Variants in LIX1 observed in about 807,000 individuals in gnomAD.
The protein encoded by LIX1 is limb and CNS expressed 1, also known as protein limb expression 1 homolog.
Under a neutral mutation model 33.4 loss-of-function variants are expected in LIX1, and 24 were observed. That is an observed-to-expected ratio of 0.72 (90% confidence interval 0.52 to 1.01). The LOEUF (loss-of-function observed/expected upper bound fraction) is 1.01. Ranked by LOEUF, LIX1 falls within the 50% of genes least tolerant of loss-of-function variation. The pLI, the probability that LIX1 is intolerant of heterozygous loss-of-function variation, is 0.00. For synonymous variants in LIX1, 124 were observed against 124.0 expected (o/e 1.00, Z 0.00); for missense variants, 311 against 339.2 (o/e 0.92, Z 0.65).
intron 1 of LIX1, among the ~76,000 whole-genome samples, chr5:97,128,426 G>T (rs1198370565): frequency 1.3e-5 from 2 of 151,954 alleles, no homozygotes; most frequent in Admixed American, 1.3e-4. Context: ...ACTCATGTTG[G>T]CTAGCATGGA....
rs766405862 is a variant in LIX1 at position 97,107,418 on chromosome 5, C to T, written c.329G>A (p.Arg110His). Residue 110 changes from arginine to histidine, a missense_variant, in exon 3 of 6, where the codon CGC becomes CAC. Coordinates refer to ENST00000274382, the MANE Select transcript of LIX1 (RefSeq NM_153234.5). ...CATAATGAATTCCTTGGTGATCCTG[C>T]GAGAGGGCAGCTCATTGAAGAGGGA... The part of the protein sequence containing the change: ...INSLFNELPS[R>H]RITKEFIMES... 20 of 1,612,784 alleles carry T rather than the reference C, an allele frequency of 1.2e-5. No individual in the cohort carries two copies. The highest frequency in any genetic ancestry group is 6.7e-5 in the East Asian group (3 of 44,898).
At chr5:97,135,073 C>G (rs1400467104) in intron 1 of LIX1, among the ~76,000 whole-genome samples, 1 of 152,088 alleles carries the variant, frequency 6.6e-6, no homozygotes, top group Non-Finnish European at 1.5e-5. Flanking sequence ...CAAACATATT[C>G]CTGAGGAAAT....
At chr5:97,141,133 T>G (rs1287134978) in intron 1 of LIX1, among the ~76,000 whole-genome samples, 1 of 152,256 alleles carries the variant, frequency 6.6e-6, no homozygotes, top group Non-Finnish European at 1.5e-5. Context: ...CCCTATTTTT[T>G]TTTTAACTGC....
At position 97,092,438 on chromosome 5, in the gene LIX1, G is replaced by A. The variant is rs186380846; in HGVS notation, c.*2310C>T. On this transcript the variant is annotated 3_prime_UTR_variant, in exon 6 of 6. Coordinates refer to ENST00000274382, the MANE Select transcript of LIX1 (RefSeq NM_153234.5). The stretch of plus-strand genomic sequence containing the variant: ...TTGCTCTTCAACCCTCTTTTCTCTA[G>A]GCTATAGTTAAAGATGTTTATATGA... 1 of 152,432 alleles carries A rather than the reference G, an allele frequency of 6.6e-6. No homozygotes were observed. The highest frequency in any genetic ancestry group is 2.4e-5 in the African/African-American group (1 of 41,570). The allele number at this position is 152,432 out of a possible 1,614,324, so 9.4% of individuals were successfully genotyped here. A position where few individuals can be genotyped will look rare whatever the true frequency, so the allele number is the denominator to read the frequency against.
At chr5:97,105,536 A>C (rs570050816) in intron 3 of LIX1, among the ~76,000 whole-genome samples, 9 of 152,212 alleles carry the variant, frequency 5.9e-5, no homozygotes, top group African/African-American at 2.2e-4. Context: ...ACGATTGCAC[A>C]GGGTTTTGGT....
intron 4 of LIX1, among the ~76,000 whole-genome samples, chr5:97,100,064 A>G (rs1445036569): frequency 1.3e-5 from 2 of 152,162 alleles, no homozygotes; most frequent in East Asian, 1.9e-4. Context: ...GAAACATACT[A>G]TTCTTCCTCT....
intron 4 of LIX1, among the ~76,000 whole-genome samples, chr5:97,099,434 G>A (rs1746562935): frequency 6.6e-6 from 1 of 152,208 alleles, no homozygotes; most frequent in South Asian, 2.1e-4. Flanking sequence ...TCTCTATGAT[G>A]TAACAGGAGG....
chr5:97,094,735 G>C lies in LIX1; in HGVS notation c.*13C>G, dbSNP rs943248989. On this transcript the variant is annotated 3_prime_UTR_variant, in exon 6 of 6. Coordinates refer to ENST00000274382, the MANE Select transcript of LIX1 (RefSeq NM_153234.5). ...CCTCTGCCATCACTGAGGGTACCCGGGGCTTGGCCTTGCTAGTGATAGCCA... is the reference window on the plus strand; with the variant it reads ...CCTCTGCCATCACTGAGGGTACCCGCGGCTTGGCCTTGCTAGTGATAGCCA... 1 of 1,611,200 alleles carries C rather than the reference G, an allele frequency of 6.2e-7. No homozygotes were observed. Among genetic ancestry groups the C allele is most frequent in the Non-Finnish European group, 8.5e-7 (1 of 1,178,092 alleles).
chr5:97,119,136 C>T (rs1206455216), intron 2 of LIX1, among the ~76,000 whole-genome samples: 1 of 152,214 alleles, frequency 6.6e-6, no homozygotes, highest in Admixed American at 6.5e-5. Context: ...ACAATCCAGT[C>T]CCATACTCCA....
Position 97,142,547 on chromosome 5 carries a change from G to A in LIX1, c.30C>T (p.His10=). 3.7e-6 allele frequency: 6 copies of A among 1,614,052 alleles called. No homozygotes were observed. The highest frequency in any genetic ancestry group is 5.1e-6 in the Non-Finnish European group (6 of 1,179,908). ...TGTGAGGCAAGACTTGGGCAATGATGTGTCTCAGAGATTCCAAGGTTCTGT... is the reference window on the plus strand; with the variant it reads ...TGTGAGGCAAGACTTGGGCAATGATATGTCTCAGAGATTCCAAGGTTCTGT... The part of the protein sequence containing the change: MDRTLESLR[H]IIAQVLPHRD... Residue 10 remains histidine, a synonymous_variant, in exon 1 of 6, where the codon CAC becomes CAT. Transcript: ENST00000274382.
At chr5:97,126,245 A>G (rs978174732) in intron 1 of LIX1, among the ~76,000 whole-genome samples, 1 of 152,230 alleles carries the variant, frequency 6.6e-6, no homozygotes, top group African/African-American at 2.4e-5. Flanking sequence ...ATATTCTTGG[A>G]TCTGCTTTAA....
chr5:97,124,713 C>T, intron 1 of LIX1, 84 bp from the exon 2 acceptor site: 1 of 1,200,948 alleles, frequency 8.3e-7, no homozygotes, highest in Non-Finnish European at 1.2e-6. Flanking sequence ...AAGCTGGATT[C>T]TGTAGCATGA....
At chr5:97,105,355 A>C in intron 3 of LIX1, 70 bp from the exon 4 acceptor site, 1 of 1,299,844 alleles carries the variant, frequency 7.7e-7, no homozygotes, top group Admixed American at 1.8e-5. Flanking sequence ...TCACAAATTA[A>C]TTCTGTGACC....
At chr5:97,110,140 G>A (rs1349991949) in intron 2 of LIX1, among the ~76,000 whole-genome samples, 6 of 152,156 alleles carry the variant, frequency 3.9e-5, no homozygotes, top group Non-Finnish European at 7.3e-5. Context: ...TCTACTATTA[G>A]TTCTTTAAGG....
In LIX1 at chr5:97,105,271, A is replaced by G; in HGVS notation, c.402T>C (p.Asp134=). ...CAACACTGGTGCTGGGGTCATCTGC[A>G]TCATCTAAGGTGCCCTTGGGAAAGA... ...AVASTSGTLD[D]ADDPSTSVGA... Residue 134 remains aspartate, a synonymous_variant, in exon 4 of 6, where the codon GAT becomes GAC. Transcript: ENST00000274382. The G allele has an allele frequency of 6.2e-7, 1 of 1,614,008 alleles. No homozygotes were observed. The highest frequency in any genetic ancestry group is 1.1e-5 in the South Asian group (1 of 91,074).
At chr5:97,110,769 T>C (rs77124931) in intron 2 of LIX1, among the ~76,000 whole-genome samples, 5,256 of 152,204 alleles carry the variant, frequency 0.035, 139 homozygotes, top group South Asian at 0.092. Context: ...TATATAGCTG[T>C]TGAATGAAGA....
intron 4 of LIX1, among the ~76,000 whole-genome samples, chr5:97,100,537 C>G (rs1252872119): frequency 6.6e-6 from 1 of 152,138 alleles, no homozygotes; most frequent in Non-Finnish European, 1.5e-5. Context: ...TTTTGTCTCA[C>G]TTCTTTATTT....
At chr5:97,107,314 G>T in intron 3 of LIX1, 46 bp downstream of exon 3, 1 of 1,569,134 alleles carries the variant, frequency 6.4e-7, no homozygotes, top group South Asian at 1.2e-5. Flanking sequence ...AAATGCTTCA[G>T]AATTCTCAGT....
At chr5:97,112,832 A>G (rs935857187) in intron 2 of LIX1, among the ~76,000 whole-genome samples, 5 of 149,846 alleles carry the variant, frequency 3.3e-5, no homozygotes, top group Admixed American at 1.3e-4. Flanking sequence ...TGACTGTGGC[A>G]TTGCTCAGGA....
Sources: allele counts gnomAD v4.1 joint callset (sites outside exome capture counted in the v4.1 genomes callset), GRCh38; gene constraint gnomAD v4.1.1; transcripts MANE v1.5; gene names NCBI Gene and HGNC (gene_info 2026-07-23, HGNC 2026-07-21).